Variants in FHIP1B observed in about 807,000 individuals in gnomAD.
FHIP1B encodes the protein FHF complex subunit HOOK interacting protein 1B, also known as FHF complex subunit HOOK-interacting protein 1B.
Under a neutral mutation model 82.2 loss-of-function variants are expected in FHIP1B, and 28 were observed. The observed-to-expected ratio is 0.34, with a 90% CI of 0.25 to 0.47. The LOEUF is 0.47. FHIP1B is among the 20% of genes least tolerant of loss of function. FHIP1B has a pLI of 1.00. For synonymous variants in FHIP1B, 585 were observed against 516.1 expected (o/e 1.13, Z -1.81); for missense variants, 1,110 against 1,262.6 (o/e 0.88, Z 1.83).
At chr11:6,217,079 A>G (rs1010299626) in intron 9 of FHIP1B, 57 of 702,706 alleles carry the variant, frequency 8.1e-5, no homozygotes, top group Admixed American at 2.4e-4. Context: ...CTAATTACAA[A>G]TCGCAGGAAA....
chr11:6,224,366 T>C lies in FHIP1B; in HGVS notation c.138+13A>G. The C allele has an allele frequency of 6.2e-7, 1 of 1,614,226 alleles. No homozygotes were observed. Among genetic ancestry groups the C allele is most frequent in the Non-Finnish European group, 8.5e-7 (1 of 1,180,032 alleles). Reference sequence around the variant, plus strand: ...GATCAGCAGACAAGGCCCTTTGCCATACAGTCTCCTACCTGGGACCAGTGA... The same window carrying C: ...GATCAGCAGACAAGGCCCTTTGCCACACAGTCTCCTACCTGGGACCAGTGA... On this transcript the variant is annotated intron_variant, in intron 2 of 11. Coordinates refer to ENST00000449352, the MANE Select transcript of FHIP1B (RefSeq NM_001098794.2).
chr11:6,223,892 A>G lies in FHIP1B; in HGVS notation c.495T>C (p.Pro165=), dbSNP rs764150464. 5 of 1,614,222 alleles carry G rather than the reference A, an allele frequency of 3.1e-6. No individual in the cohort carries two copies. The highest frequency in any genetic ancestry group is 2.5e-6 in the Non-Finnish European group (3 of 1,180,030). Residue 165 remains proline, a synonymous_variant, in exon 3 of 12, where the codon CCT becomes CCC. Coordinates refer to ENST00000449352, the MANE Select transcript of FHIP1B (RefSeq NM_001098794.2). This position sits in a 1 kb window ranked among gnomAD's most constrained non-coding sequence, Gnocchi z 4.8. ...CATCCAGTGCTGGGCTACTGGGCAC[A>G]GGGCGGCCACAGGCATCCAGCAGGG... ...LLTLLDACGR[P]VPSSPALDEG...
rs1209577478 is a variant in FHIP1B, at chr11:6,225,178, A to T, written c.-191-471T>A. ...ATACTCTCCAATAATTTCCTAACAC[A>T]CTGTAATAGTTCAAATTCCTTATCT... On this transcript the variant is annotated intron_variant, in intron 1 of 11. Transcript: ENST00000449352. Among the ~76,000 whole-genome samples the T allele has an allele frequency of 2.6e-5, 4 of 152,278 alleles. No individual in the cohort carries two copies. The East Asian group carries it at 7.7e-4, about 29-fold the overall frequency.
rs766858154 is a variant in FHIP1B at position 6,223,119 on chromosome 11, G to A, written c.897C>T (p.Leu299=). The change falls in exon 4 of 12, where the codon CTC becomes CTT. Residue 299 remains leucine, a synonymous_variant. Transcript: ENST00000449352. This position sits in a 1 kb window ranked among gnomAD's most constrained non-coding sequence, Gnocchi z 4.8. ...EDWLGVPALA[L]FMSSLEFCNA... ...TGCAGAACTCCAGGGAACTCATGAA[G>A]AGTGCAAGGGCTGGCACTCCCAGCC... 2.5e-6 allele frequency: 4 copies of A among 1,592,346 alleles called. No homozygotes were observed. The highest frequency in any genetic ancestry group is 1.7e-4 in the Middle Eastern group (1 of 5,924).
At position 6,222,910 on chromosome 11, in the gene FHIP1B, CAG is replaced by C; in HGVS notation, c.937-15_937-14del. ...GGGGGTGAGCCACCTGTAGGAGTGC[CAG>C]AGAGAAGGGGGAGGGTTATGAGGAG... is the stretch of plus-strand genomic sequence containing the variant. On this transcript the variant is annotated splice_polypyrimidine_tract_variant and intron_variant, in intron 4 of 11. Coordinates refer to ENST00000449352, the MANE Select transcript of FHIP1B (RefSeq NM_001098794.2). The C allele has an allele frequency of 6.2e-7, 1 of 1,613,350 alleles. No individual in the cohort carries two copies. The highest frequency in any genetic ancestry group is 8.5e-7 in the Non-Finnish European group (1 of 1,179,386).
intron 1 of FHIP1B, among the ~76,000 whole-genome samples, chr11:6,228,475 G>T (rs1440409729): frequency 6.6e-6 from 1 of 152,176 alleles, no homozygotes; most frequent in Non-Finnish European, 1.5e-5. Context: ...GTAGTCTGAA[G>T]AAAGTGACAA....
At chr11:6,232,139 C>G (rs966496552) in intron 1 of FHIP1B, among the ~76,000 whole-genome samples, 1 of 151,748 alleles carries the variant, frequency 6.6e-6, no homozygotes, top group Non-Finnish European at 1.5e-5. Flanking sequence ...CTACCACTCA[C>G]TATATGATAC....
In FHIP1B at chr11:6,222,460, A is replaced by G. The variant is rs371497441; in HGVS notation, c.1173T>C (p.Arg391=). The G allele has an allele frequency of 8.1e-6, 13 of 1,613,860 alleles. No homozygotes were observed. The African/African-American group carries it at 1.2e-4, about 15-fold the overall frequency. Residue 391 remains arginine (R), a synonymous_variant, in exon 6 of 12, where the codon CGT becomes CGC. Coordinates refer to ENST00000449352, the MANE Select transcript of FHIP1B (RefSeq NM_001098794.2). ...GCCATACCCGGGAGTTACTGCCAAT[A>G]CGAGCAACGAGGGTGTCGAGGATGG... is the stretch of plus-strand genomic sequence containing the variant. ...THTILDTLVA[R]IGSNSRLCMV...
At chr11:6,226,751 T>C (rs1487582097) in intron 1 of FHIP1B, among the ~76,000 whole-genome samples, 1 of 152,210 alleles carries the variant, frequency 6.6e-6, no homozygotes, top group African/African-American at 2.4e-5. Context: ...TATTGCTAAA[T>C]ATTATGCTAA....
Position 6,211,867 on chromosome 11 carries a change from A to C in FHIP1B, c.2558T>G (p.Val853Gly), listed in dbSNP as rs201140744. Residue 853 changes from valine (V) to glycine (G), a missense_variant and splice_region_variant, in exon 12 of 12, where the codon GTG (valine) becomes GGG (glycine). By Grantham distance (109) the Val-to-Gly change is moderately radical. This residue lies in a region of FHIP1B where 147 missense variants were observed against 154.0 expected (regional missense o/e 0.95). Coordinates refer to ENST00000449352, the MANE Select transcript of FHIP1B (RefSeq NM_001098794.2). ...CCCCAAGGATGGCCTCCGGCTCTTC[A>C]CTGGGAATAAACAGGGGTATCATGA... Reference protein sequence around the residue: ...GPAPRRSDPLVKSRRPSLGEL... With the variant: ...GPAPRRSDPLGKSRRPSLGEL... The C allele has an allele frequency of 2.2e-4, 343 of 1,555,746 alleles. 1 individual carries two copies. In the East Asian group the frequency reaches 5.8e-3, roughly 26 times the overall value.
chr11:6,219,155 A>C, intron 6 of FHIP1B, 105 bp from the exon 7 acceptor site: 3 of 779,446 alleles, frequency 3.8e-6, no homozygotes, highest in African/African-American at 1.7e-5. Flanking sequence ...CCAACCAACC[A>C]CTCCTAGAGG....
At chr11:6,233,230 G>C (rs1162879063) in intron 1 of FHIP1B, among the ~76,000 whole-genome samples, 3 of 152,190 alleles carry the variant, frequency 2.0e-5, no homozygotes, top group Non-Finnish European at 4.4e-5. Context: ...CTAATTCTCA[G>C]GAAATGGTCT....
At chr11:6,212,306 C>A (rs1847094742) in intron 11 of FHIP1B, among the ~76,000 whole-genome samples, 1 of 152,184 alleles carries the variant, frequency 6.6e-6, no homozygotes, top group Non-Finnish European at 1.5e-5. Context: ...TATAGCATGC[C>A]CTGATTTCAT....
rs1291075486 is a variant in FHIP1B, at chr11:6,218,581, G to C, written c.1435+19C>G. 1 of 1,613,740 alleles carries C rather than the reference G, an allele frequency of 6.2e-7. No homozygotes were observed. Among genetic ancestry groups the C allele is most frequent in the Admixed American group, 1.7e-5 (1 of 59,994 alleles). On this transcript the variant is annotated intron_variant, in intron 8 of 11. Transcript: ENST00000449352. ...ACCCGTGATGTCCTCCCTTCTCCCT[G>C]TCTCTCTGCTAGGCCCACCTCGTGC... is the stretch of plus-strand genomic sequence containing the variant.
intron 6 of FHIP1B, among the ~76,000 whole-genome samples, chr11:6,221,855 A>G (rs568620148): frequency 1.3e-5 from 2 of 152,300 alleles, no homozygotes; most frequent in African/African-American, 2.4e-5. Context: ...AGTAAGCTCC[A>G]TGAAGTCAGC....
At chr11:6,213,944 A>T (rs1847146143) in intron 11 of FHIP1B, among the ~76,000 whole-genome samples, 1 of 148,842 alleles carries the variant, frequency 6.7e-6, no homozygotes, top group African/African-American at 2.5e-5. Context: ...TGAGAAATTC[A>T]GCTCCAGCCA....
chr11:6,223,342 A>C lies in FHIP1B; in HGVS notation c.778-104T>G. ...AGAGTTTTGATGGGAATAGGGGTAT[A>C]AGCTATTACCAAAGCAAGCATTTGC... On this transcript the variant is annotated intron_variant, in intron 3 of 11. Transcript: ENST00000449352. The surrounding 1 kb of genome is among the most constrained non-coding windows in gnomAD (Gnocchi z 4.8). The C allele has an allele frequency of 1.6e-6, 2 of 1,237,786 alleles. No homozygotes were observed. The highest frequency in any genetic ancestry group is 2.2e-6 in the Non-Finnish European group (2 of 890,586). 76.7% of individuals were successfully genotyped at this position (1,237,786 alleles called of 1,614,324 possible). A position where few individuals can be genotyped will look rare whatever the true frequency, so the allele number is the denominator to read the frequency against.
chr11:6,232,421 T>C (rs1412052633), intron 1 of FHIP1B, among the ~76,000 whole-genome samples: 1 of 152,226 alleles, frequency 6.6e-6, no homozygotes, highest in Non-Finnish European at 1.5e-5. Flanking sequence ...CAGTCCCTTT[T>C]CTGTCTTTTG....
In FHIP1B at chr11:6,218,700, T is replaced by C; in HGVS notation, c.1335A>G (p.Leu445=). ...SQKPAVRDVD[L]YGRAADKFLS... ...GAAACTTGTCAGCTGCTCGTCCATA[T>C]AGGTCCACATCACGAACAGCCGGCT... Residue 445 remains leucine, a synonymous_variant, in exon 8 of 12, where the codon CTA becomes CTG. Transcript: ENST00000449352. The C allele has an allele frequency of 1.2e-6, 2 of 1,614,078 alleles. No individual in the cohort carries two copies. The highest frequency in any genetic ancestry group is 8.5e-7 in the Non-Finnish European group (1 of 1,180,006).
Sources: allele counts gnomAD v4.1 joint callset (sites outside exome capture counted in the v4.1 genomes callset), GRCh38; gene constraint gnomAD v4.1.1; regional missense constraint gnomAD v4.1.1; non-coding constraint Gnocchi (gnomAD v3.1); transcripts MANE v1.5; gene names NCBI Gene and HGNC (gene_info 2026-07-23, HGNC 2026-07-21).